GNG12: variants seen among roughly 807,000 people sequenced by gnomAD.
GNG12 encodes G protein subunit gamma 12.
For synonymous variants in GNG12, 28 were observed against 29.7 expected, an observed-to-expected ratio of 0.94 and a Z score of 0.19; for missense variants, 69 against 83.8, an observed-to-expected ratio of 0.82 and a Z score of 0.69.
chr1:67,807,598 A>C (rs1315182028), intron 1 of GNG12, among the ~76,000 whole-genome samples: 2 of 151,952 alleles, frequency 1.3e-5, no homozygotes, highest in Non-Finnish European at 2.9e-5. Context: ...AAAAGAAAGA[A>C]GACAAATTAC....
chr1:67,730,892 T>C (rs562942707), intron 2 of GNG12, among the ~76,000 whole-genome samples: 3 of 152,288 alleles, frequency 2.0e-5, no homozygotes, highest in African/African-American at 4.8e-5. Context: ...TGGGGATTCT[T>C]TACCCCTAAG....
rs148711423 is a variant in GNG12, at chr1:67,756,011, G to A, written c.-27+21447C>T. 3.5e-3 allele frequency among the ~76,000 whole-genome samples: 532 copies of A among 152,292 alleles called. 4 individuals are homozygous for A. The highest frequency in any genetic ancestry group is 7.3e-3 in the Admixed American group (112 of 15,298). On this transcript the variant is annotated intron_variant, in intron 2 of 3. Coordinates refer to ENST00000370982, the MANE Select transcript of GNG12 (RefSeq NM_018841.6). The stretch of plus-strand genomic sequence containing the variant: ...TGAGCAGCAGAGCTGCCCACTGGAT[G>A]TGTGCTGAATGCCCATCTTACTTGT...
chr1:67,828,009 C>T (rs1373180933), intron 1 of GNG12, among the ~76,000 whole-genome samples: 1 of 152,226 alleles, frequency 6.6e-6, no homozygotes, highest in Non-Finnish European at 1.5e-5. Context: ...ACTCTCCTGT[C>T]ATTCCTAAGG....
At chr1:67,769,535 G>A (rs927015543) in intron 2 of GNG12, among the ~76,000 whole-genome samples, 4 of 152,104 alleles carry the variant, frequency 2.6e-5, no homozygotes, top group South Asian at 2.1e-4. Context: ...CAGCAAATAC[G>A]TTCTCAGATC....
Position 67,756,500 on chromosome 1 carries a change from CA to C in GNG12, c.-27+20957del, listed in dbSNP as rs534800612. ...AGCATGTGGTGCTATGGCTGCTGCTCAAAGGATGATGGCTCTGGACACCAGT... is the reference window on the plus strand; with the variant it reads ...AGCATGTGGTGCTATGGCTGCTGCTCAAGGATGATGGCTCTGGACACCAGT... On this transcript the variant is annotated intron_variant, in intron 2 of 3. Transcript: ENST00000370982. Among the ~76,000 whole-genome samples the C allele has an allele frequency of 4.9e-3, 749 of 152,284 alleles. 7 individuals are homozygous for C. The highest frequency in any genetic ancestry group is 0.017 in the African/African-American group (713 of 41,542).
intron 2 of GNG12, among the ~76,000 whole-genome samples, chr1:67,768,413 T>A (rs1420078276): frequency 1.3e-5 from 2 of 152,244 alleles, no homozygotes; most frequent in African/African-American, 4.8e-5. Context: ...AGTTATTTTT[T>A]AAAAGCAGAT....
In GNG12 at chr1:67,701,542, G is replaced by C. The variant is rs906487053; in HGVS notation, c.*3909C>G. ...TACAATGAGGCACTGACGCAGTACA[G>C]AAAGCAATGGTGCTTTTAATGAAAC... On this transcript the variant is annotated 3_prime_UTR_variant, in exon 4 of 4. Coordinates refer to ENST00000370982, the MANE Select transcript of GNG12 (RefSeq NM_018841.6). 1 of 152,670 alleles carries C rather than the reference G, an allele frequency of 6.6e-6. No homozygotes were observed. Among genetic ancestry groups the C allele is most frequent in the African/African-American group, 2.4e-5 (1 of 41,472 alleles). The allele number at this position is 152,670 out of a possible 1,614,324, so 9.5% of individuals were successfully genotyped here.
chr1:67,814,966 A>C (rs1235917003), intron 1 of GNG12, among the ~76,000 whole-genome samples: 1 of 152,230 alleles, frequency 6.6e-6, no homozygotes, highest in Non-Finnish European at 1.5e-5. Context: ...AGTTGTAAAA[A>C]GTTAGTTTCA....
At chr1:67,803,636 AC>A (rs1011736086) in intron 1 of GNG12, among the ~76,000 whole-genome samples, 1 of 152,202 alleles carries the variant, frequency 6.6e-6, no homozygotes, top group African/African-American at 2.4e-5. Flanking sequence ...GCATTATTTT[AC>A]TTTTATCTTC....
chr1:67,730,376 C>G (rs910595914), intron 2 of GNG12, among the ~76,000 whole-genome samples: 12 of 152,160 alleles, frequency 7.9e-5, no homozygotes, highest in African/African-American at 2.9e-4. Context: ...TGGTGCACAT[C>G]TGTAGTTCCA....
chr1:67,787,271 G>A (rs1646776524), intron 1 of GNG12, among the ~76,000 whole-genome samples: 1 of 152,028 alleles, frequency 6.6e-6, no homozygotes, highest in Admixed American at 6.6e-5. Context: ...AATGACCAGG[G>A]TTTACCACAA....
intron 2 of GNG12, among the ~76,000 whole-genome samples, chr1:67,711,545 C>G (rs768054287): frequency 2.0e-4 from 31 of 152,064 alleles, no homozygotes; most frequent in Non-Finnish European, 3.2e-4. Flanking sequence ...TCAGTTAATA[C>G]AAGTTGTTTC....
intron 1 of GNG12, among the ~76,000 whole-genome samples, chr1:67,789,628 T>C (rs1182387717): frequency 6.6e-6 from 1 of 152,140 alleles, no homozygotes; most frequent in East Asian, 1.9e-4. Flanking sequence ...CAGACATAGA[T>C]AGAATCACAG....
At chr1:67,828,058 G>C (rs1369408336) in intron 1 of GNG12, among the ~76,000 whole-genome samples, 1 of 152,152 alleles carries the variant, frequency 6.6e-6, no homozygotes, top group African/African-American at 2.4e-5. Context: ...GGTATGTGCT[G>C]GTTCTAGAAC....
chr1:67,788,813 A>C (rs1173483264), intron 1 of GNG12, among the ~76,000 whole-genome samples: 4 of 152,250 alleles, frequency 2.6e-5, no homozygotes, highest in Non-Finnish European at 5.9e-5. Flanking sequence ...TTTAGAAGAC[A>C]ACAAGAATGC....
intron 1 of GNG12, among the ~76,000 whole-genome samples, chr1:67,788,955 G>A (rs1646785339): frequency 6.6e-6 from 1 of 152,210 alleles, no homozygotes; most frequent in South Asian, 2.1e-4. Context: ...AAAAGAAAAT[G>A]ATGAGGACAG....
At chr1:67,715,163 C>T (rs112703971) in intron 2 of GNG12, among the ~76,000 whole-genome samples, 4,579 of 152,160 alleles carry the variant, frequency 0.03, 202 homozygotes, top group African/African-American at 0.094. Context: ...GTGATCCACC[C>T]GCCTCACCCT....
intron 1 of GNG12, among the ~76,000 whole-genome samples, chr1:67,778,096 TATATA>T (rs1416262766): frequency 6.7e-6 from 1 of 148,934 alleles, no homozygotes; most frequent in African/African-American, 2.4e-5. Flanking sequence ...TTATGTATAT[TATATA>T]TTAATTATAA....
intron 1 of GNG12, among the ~76,000 whole-genome samples, chr1:67,813,029 C>A (rs1164931177): frequency 6.6e-6 from 1 of 152,182 alleles, no homozygotes; most frequent in East Asian, 1.9e-4. Context: ...AAGTTAGGCT[C>A]CATAATGACG....
Sources: allele counts gnomAD v4.1 joint callset (sites outside exome capture counted in the v4.1 genomes callset), GRCh38; gene constraint gnomAD v4.1.1; transcripts MANE v1.5; gene names NCBI Gene and HGNC (gene_info 2026-07-23, HGNC 2026-07-21).